Variants in CORIN observed in about 807,000 individuals in gnomAD.
CORIN encodes corin, serine peptidase.
CORIN carries 117 observed loss-of-function variants against 125.3 expected under a neutral mutation model. That is an observed-to-expected ratio of 0.93 (90% CI 0.80 to 1.09). CORIN has a LOEUF of 1.09. CORIN is among the 50% of genes least tolerant of loss of function. CORIN has a pLI of 0.00. For synonymous variants in CORIN, 450 were observed against 466.4 expected, an observed-to-expected ratio of 0.96 and a Z score of 0.45; for missense variants, 1,253 against 1,306.7, an observed-to-expected ratio of 0.96 and a Z score of 0.63.
intron 3 of CORIN, among the ~76,000 whole-genome samples, chr4:47,785,815 G>A (rs1052523710): frequency 1.3e-5 from 2 of 151,278 alleles, no homozygotes; most frequent in African/African-American, 4.9e-5. Flanking sequence ...AGGCGGCTGA[G>A]GCAGGAGAAT....
intron 5 of CORIN, among the ~76,000 whole-genome samples, chr4:47,704,589 G>A (rs1281239465): frequency 2.0e-5 from 3 of 152,096 alleles, no homozygotes; most frequent in South Asian, 2.1e-4. Context: ...GTCAAGCAGA[G>A]AATGGTCTAC....
At position 47,732,682 on chromosome 4, in the gene CORIN, G is replaced by A. The variant is rs530887589; in HGVS notation, c.799+11720C>T. 3.7e-3 allele frequency among the ~76,000 whole-genome samples: 555 copies of A among 151,608 alleles called. 12 individuals are homozygous for A. The highest frequency in any genetic ancestry group is 2.9e-4 in the Non-Finnish European group (20 of 67,962). Reference sequence around the variant, plus strand: ...AGGCTCAAGCAATTCTCCTGCCTCAGCCTCTTGAGGGCCTGGGATTACAGG... The same window carrying A: ...AGGCTCAAGCAATTCTCCTGCCTCAACCTCTTGAGGGCCTGGGATTACAGG... On this transcript the variant is annotated intron_variant, in intron 5 of 21. Coordinates refer to ENST00000273857, the MANE Select transcript of CORIN (RefSeq NM_006587.4).
At chr4:47,826,540 C>G (rs1732750172) in intron 1 of CORIN, among the ~76,000 whole-genome samples, 1 of 152,200 alleles carries the variant, frequency 6.6e-6, no homozygotes, top group Admixed American at 6.5e-5. Flanking sequence ...TGGCCCCTTC[C>G]TGTATCTTCA....
intron 4 of CORIN, among the ~76,000 whole-genome samples, chr4:47,750,118 T>C (rs1187731224): frequency 1.3e-5 from 2 of 152,178 alleles, no homozygotes; most frequent in East Asian, 1.9e-4. Flanking sequence ...TAACAATAGA[T>C]GGCTTGTTCT....
intron 5 of CORIN, among the ~76,000 whole-genome samples, chr4:47,716,088 T>C (rs1156547006): frequency 6.6e-6 from 1 of 152,218 alleles, no homozygotes; most frequent in African/African-American, 2.4e-5. Flanking sequence ...TCCCTAACAC[T>C]TGTGTTGCTC....
At chr4:47,746,541 CT>C (rs750351600) in intron 4 of CORIN, among the ~76,000 whole-genome samples, 139 of 144,550 alleles carry the variant, frequency 9.6e-4, no homozygotes, top group African/African-American at 1.2e-3. Context: ...CAACGCAAAT[CT>C]TTTTTTTTTT....
At chr4:47,793,297 A>T (rs536281623) in intron 2 of CORIN, among the ~76,000 whole-genome samples, 2 of 152,202 alleles carry the variant, frequency 1.3e-5, no homozygotes, top group Non-Finnish European at 2.9e-5. Context: ...GGGCTCCATA[A>T]ATATTCGTTG....
At chr4:47,829,157 CAAAAAAAAAAAAA>C (rs35771383) in intron 1 of CORIN, among the ~76,000 whole-genome samples, 6 of 64,282 alleles carry the variant, frequency 9.3e-5, no homozygotes, top group South Asian at 8.0e-4. Context: ...GACTCCGTCT[CAAAAAAAAAAAAA>C]AAAAAAAAAA....
intron 5 of CORIN, among the ~76,000 whole-genome samples, chr4:47,740,303 A>G (rs1435636512): frequency 6.6e-6 from 1 of 151,886 alleles, no homozygotes; most frequent in Non-Finnish European, 1.5e-5. Flanking sequence ...TCATTGGTTT[A>G]TCGTGCTTTG....
intron 4 of CORIN, among the ~76,000 whole-genome samples, chr4:47,752,927 G>C (rs186594030): frequency 1.3e-4 from 20 of 151,804 alleles, no homozygotes; most frequent in Non-Finnish European, 2.4e-4. Flanking sequence ...CATTATAAAA[G>C]GATGCCATGA....
intron 1 of CORIN, chr4:47,831,508 G>A (rs572860978): frequency 1.6e-4 from 24 of 152,388 alleles, no homozygotes; most frequent in African/African-American, 5.3e-4. Context: ...GCAGTCCCAA[G>A]GTGAGTCATC....
At chr4:47,797,338 G>A (rs1731341166) in intron 2 of CORIN, among the ~76,000 whole-genome samples, 1 of 151,550 alleles carries the variant, frequency 6.6e-6, no homozygotes, top group Non-Finnish European at 1.5e-5. Flanking sequence ...GGCATAAAGT[G>A]ACACTTGTTG....
intron 19 of CORIN, among the ~76,000 whole-genome samples, 174 bp downstream of exon 19, chr4:47,623,397 T>C (rs1373669764): frequency 6.6e-6 from 1 of 152,116 alleles, no homozygotes; most frequent in Non-Finnish European, 1.5e-5. Context: ...GCAGCCCACA[T>C]ATTAGATGGC....
At chr4:47,776,732 C>A (rs981024712) in intron 3 of CORIN, among the ~76,000 whole-genome samples, 1 of 152,128 alleles carries the variant, frequency 6.6e-6, no homozygotes, top group Admixed American at 6.5e-5. Context: ...ATAACATTCC[C>A]ATTAATACCT....
intron 9 of CORIN, 49 bp downstream of exon 9, chr4:47,677,889 G>C (rs762515778): frequency 2.3e-6 from 3 of 1,288,816 alleles, no homozygotes; most frequent in East Asian, 4.6e-5. Flanking sequence ...TGTTCCCAAG[G>C]AGAGGACCAC....
At chr4:47,808,797 G>A (rs924188286) in intron 1 of CORIN, among the ~76,000 whole-genome samples, 2 of 152,308 alleles carry the variant, frequency 1.3e-5, no homozygotes, top group African/African-American at 4.8e-5. Flanking sequence ...AACAAAGTTA[G>A]TGGCAGAAAC....
intron 5 of CORIN, among the ~76,000 whole-genome samples, chr4:47,735,890 C>CACTCCAGCCTGGGCGACAGAG (rs1453046647): frequency 1.3e-5 from 2 of 148,536 alleles, no homozygotes; most frequent in Non-Finnish European, 3.0e-5. Flanking sequence ...CGCGTCACTG[C>CACTCCAGCCTGGGCGACAGAG]ACTCCAGCCT....
At chr4:47,836,050 T>G (rs2110001563) in intron 1 of CORIN, among the ~76,000 whole-genome samples, 1 of 152,318 alleles carries the variant, frequency 6.6e-6, no homozygotes, top group South Asian at 2.1e-4. Flanking sequence ...GAGGTTGATG[T>G]GTTTCCACAC....
chr4:47,705,253 C>A (rs1726493943), intron 5 of CORIN, among the ~76,000 whole-genome samples: 1 of 152,168 alleles, frequency 6.6e-6, no homozygotes, highest in Non-Finnish European at 1.5e-5. Context: ...TCTATAGCTT[C>A]TTCAGCTACA....
Sources: gnomAD v4.1 joint callset for allele counts (sites outside exome capture counted in the v4.1 genomes callset) on GRCh38, gnomAD v4.1.1 for gene constraint, MANE v1.5 for transcripts, NCBI Gene and HGNC (gene_info 2026-07-23, HGNC 2026-07-21) for gene names.